Variants in TFRC observed in about 807,000 individuals in gnomAD.
TFRC encodes the protein transferrin receptor protein 1.
A neutral mutation model predicts 85.8 loss-of-function variants in TFRC; 35 were observed. That is an observed-to-expected ratio of 0.41 (90% CI 0.31 to 0.54). The LOEUF is 0.54. Ranked by LOEUF, TFRC falls within the 20% of genes least tolerant of loss-of-function variation. The pLI is 0.31. For synonymous variants in TFRC, 362 were observed against 328.6 expected (o/e 1.10, Z -1.10); for missense variants, 828 against 921.5 (o/e 0.90, Z 1.31).
rs1477368569 is a variant in TFRC, at chr3:196,075,285, T to C, written c.112A>G (p.Met38Val). 1 of 1,614,024 alleles carries C rather than the reference T, an allele frequency of 6.2e-7. No homozygotes were observed. The highest frequency in any genetic ancestry group is 8.5e-7 in the Non-Finnish European group (1 of 1,180,042). Residue 38 changes from methionine to valine, a missense_variant, in exon 3 of 19, where the codon ATG becomes GTG. By Grantham distance (21) the Met-to-Val change is conservative (BLOSUM62 1). Coordinates refer to ENST00000360110, the MANE Select transcript of TFRC (RefSeq NM_001128148.3). Reference sequence around the variant, plus strand: ...TCTTCTTCATCTACAGCAAGTTTCATCTCCACATGACTGTTATCGCCATCT... The same window carrying C: ...TCTTCTTCATCTACAGCAAGTTTCACCTCCACATGACTGTTATCGCCATCT... The part of the protein sequence containing the change: ...QVDGDNSHVE[M>V]KLAVDEEENA...
chr3:196,055,575 G>C (rs1716709793), intron 16 of TFRC: 2 of 496,036 alleles, frequency 4.0e-6, no homozygotes, highest in Non-Finnish European at 7.3e-6. Flanking sequence ...TAGACTTCTA[G>C]CCAAATTCCT....
rs755177333 is a variant in TFRC, at chr3:196,071,495, A to T, written c.588T>A (p.Ala196=). 2.6e-5 allele frequency: 42 copies of T among 1,613,912 alleles called. No homozygotes were observed. The highest frequency in any genetic ancestry group is 3.5e-5 in the Non-Finnish European group (41 of 1,179,928). ...HFVKIQVKDS[A]QNSVIIVDKN... The stretch of plus-strand genomic sequence containing the variant: ...TATCAACTATGATCACCGAGTTTTG[A>T]GCGCTGTTAAAAAGATTAAGTTAAA... Residue 196 remains alanine, a synonymous_variant, in exon 6 of 19, where the codon GCT becomes GCA. Coordinates refer to ENST00000360110, the MANE Select transcript of TFRC (RefSeq NM_001128148.3).
At chr3:196,069,017 G>A (rs1352989765) in intron 7 of TFRC, among the ~76,000 whole-genome samples, 1 of 151,902 alleles carries the variant, frequency 6.6e-6, no homozygotes, top group African/African-American at 2.4e-5. Flanking sequence ...AGGCTGGAGT[G>A]GCACGAGTCA....
intron 9 of TFRC, among the ~76,000 whole-genome samples, chr3:196,066,275 T>A (rs903969727): frequency 6.6e-6 from 1 of 152,142 alleles, no homozygotes. Flanking sequence ...ACAAGGATAG[T>A]ACACATTCTT....
At chr3:196,073,290 T>TAAA (rs35883754) in intron 4 of TFRC, among the ~76,000 whole-genome samples, 1 of 135,460 alleles carries the variant, frequency 7.4e-6, no homozygotes, top group African/African-American at 2.8e-5. Flanking sequence ...CTCCATCTCT[T>TAAA]AAAAAAAAAA....
intron 4 of TFRC, among the ~76,000 whole-genome samples, chr3:196,073,047 A>AAAACAAACAAAC (rs1553798509): frequency 7.2e-5 from 8 of 110,496 alleles, no homozygotes; most frequent in Non-Finnish European, 1.5e-4. Flanking sequence ...AAAAAAAAAA[A>AAAACAAACAAAC]AAAAAAAAAA....
At position 196,053,402 on chromosome 3, in the gene TFRC, C is replaced by G; in HGVS notation, c.2040+16G>C. The G allele has an allele frequency of 6.2e-7, 1 of 1,613,988 alleles. No homozygotes were observed. Among genetic ancestry groups the G allele is most frequent in the Admixed American group, 1.7e-5 (1 of 60,006 alleles). On this transcript the variant is annotated intron_variant, in intron 18 of 18. Coordinates refer to ENST00000360110, the MANE Select transcript of TFRC (RefSeq NM_001128148.3). ...TACACATACTTTAGTTCCTCCTTTCCCAAAAGTTCACTTACTCTCATGACA... is the reference window on the plus strand; with the variant it reads ...TACACATACTTTAGTTCCTCCTTTCGCAAAAGTTCACTTACTCTCATGACA...
intron 1 of TFRC, among the ~76,000 whole-genome samples, chr3:196,081,335 A>G (rs41300411): frequency 6.6e-6 from 1 of 152,370 alleles, no homozygotes; most frequent in East Asian, 1.9e-4. Flanking sequence ...CAGGCAGAGC[A>G]TGGCAAGATC....
At chr3:196,081,889 A>G (rs1719217461) in intron 1 of TFRC, 154 bp downstream of exon 1, 1 of 152,330 alleles carries the variant, frequency 6.6e-6, no homozygotes, top group Non-Finnish European at 1.5e-5. Context: ...GCCCCGCTCC[A>G]TCCCGGCCGC....
intron 4 of TFRC, 107 bp downstream of exon 4, chr3:196,073,820 TGTC>T: frequency 8.6e-7 from 1 of 1,163,494 alleles, no homozygotes; most frequent in Non-Finnish European, 1.2e-6. Context: ...TGACAAGTCT[TGTC>T]TTCTCTAACA....
chr3:196,052,290 GACTTTTT>G (rs1716389136), intron 18 of TFRC, 106 bp from the exon 19 acceptor site: 1 of 779,980 alleles, frequency 1.3e-6, no homozygotes, highest in African/African-American at 2.0e-5. Context: ...ATGCCGATCA[GACTTTTT>G]TTTTTTTTTT....
intron 1 of TFRC, 77 bp from the exon 2 acceptor site, chr3:196,077,199 T>C (rs1718775478): frequency 3.0e-6 from 3 of 1,003,078 alleles, no homozygotes; most frequent in Middle Eastern, 4.6e-4. Context: ...CCAGGCTAAA[T>C]GATACATTAA....
rs41303535 is a variant in TFRC, at chr3:196,069,242, G to C, written c.801+213C>G. Among the ~76,000 whole-genome samples, 671 of 152,260 alleles carry C rather than the reference G, an allele frequency of 4.4e-3. 8 individuals are homozygous for C. The highest frequency in any genetic ancestry group is 0.015 in the African/African-American group (643 of 41,532). On this transcript the variant is annotated intron_variant, in intron 7 of 18. Transcript: ENST00000360110. ...GAATTCTGTATATGCGTAAAACTGA[G>C]TTATACAGAGAAATAGCTTTCACTT...
At chr3:196,060,402 T>C (rs1717170590) in intron 13 of TFRC, 155 bp from the exon 14 acceptor site, 1 of 666,388 alleles carries the variant, frequency 1.5e-6, no homozygotes, top group Admixed American at 2.8e-5. Flanking sequence ...CAAAAGTAAT[T>C]TTGGTATCAA....
intron 12 of TFRC, 78 bp downstream of exon 12, chr3:196,062,776 C>T: frequency 7.0e-6 from 11 of 1,576,160 alleles, no homozygotes; most frequent in Non-Finnish European, 9.6e-6. Context: ...AAAATCAAAC[C>T]TATAAAAACA....
At chr3:196,077,609 G>A (rs900294514) in intron 1 of TFRC, among the ~76,000 whole-genome samples, 15 of 152,136 alleles carry the variant, frequency 9.9e-5, no homozygotes, top group African/African-American at 1.9e-4. Context: ...AAAATTAGCC[G>A]GACGTGGTGG....
At chr3:196,063,034 C>A in intron 11 of TFRC, 95 bp from the exon 12 acceptor site, 3 of 916,328 alleles carry the variant, frequency 3.3e-6, no homozygotes, top group East Asian at 2.6e-5. Context: ...AGGTCTAATT[C>A]CAAGATAGCA....
chr3:196,057,635 G>A (rs1057258482), intron 16 of TFRC, among the ~76,000 whole-genome samples: 5 of 150,232 alleles, frequency 3.3e-5, no homozygotes, highest in African/African-American at 1.0e-4. Context: ...GTTGACACAA[G>A]AAGATCCATG....
intron 10 of TFRC, 59 bp downstream of exon 10, chr3:196,065,384 A>T: frequency 2.0e-6 from 2 of 1,020,426 alleles, no homozygotes; most frequent in Non-Finnish European, 2.7e-6. Context: ...CCACATCCTT[A>T]GGAACAGAAA....
Sources: gnomAD v4.1 joint callset for allele counts (sites outside exome capture counted in the v4.1 genomes callset) on GRCh38, gnomAD v4.1.1 for gene constraint, MANE v1.5 for transcripts, NCBI Gene and HGNC (gene_info 2026-07-23, HGNC 2026-07-21) for gene names.